ZBTB37: variants seen among roughly 807,000 people sequenced by gnomAD.
ZBTB37 encodes the protein zinc finger and BTB domain-containing protein 37.
In ZBTB37, 15 loss-of-function variants were observed where a neutral mutation model predicts 37.7. That is an observed-to-expected ratio of 0.40 (90% CI 0.27 to 0.61). The LOEUF is 0.61. Among genes scored for constraint, ZBTB37 ranks in the 20% least tolerant of loss-of-function variants. The pLI is 0.44. For synonymous variants in ZBTB37, 231 were observed against 220.6 expected (o/e 1.05, Z -0.42); for missense variants, 514 against 641.9 (o/e 0.80, Z 2.15).
At position 173,895,585 on chromosome 1, in the gene ZBTB37, T is replaced by C. The variant is rs577402083; in HGVS notation, c.*9461T>C. On this transcript the variant is annotated 3_prime_UTR_variant, in exon 4 of 4. Transcript: ENST00000367701. ...TGAGATAGTGAAAAGTTTTACCTAC[T>C]TATCTTAATCCCATTCTACCTCTAC... The C allele has an allele frequency of 8.5e-5, 13 of 152,290 alleles. No homozygotes were observed. In the East Asian group the frequency reaches 2.5e-3, roughly 29 times the overall value. The allele number at this position is 152,290 out of a possible 1,614,324, so 9.4% of individuals were successfully genotyped here. A position where few individuals can be genotyped will look rare whatever the true frequency, so the allele number is the denominator to read the frequency against.
downstream of ZBTB37, chr1:173,890,808 A>G (rs1656812152): frequency 6.6e-6 from 1 of 152,208 alleles, no homozygotes; most frequent in African/African-American, 2.4e-5. Context: ...CCTTCTTTCT[A>G]CTACAATGGC....
At chr1:173,874,732 G>C (rs1655824568) in intron 4 of ZBTB37, among the ~76,000 whole-genome samples, 1 of 152,162 alleles carries the variant, frequency 6.6e-6, no homozygotes, top group Non-Finnish European at 1.5e-5. Context: ...CAGAATGTCT[G>C]CTACCACCAC....
chr1:173,877,289 T>C (rs1450406005), intron 4 of ZBTB37, among the ~76,000 whole-genome samples: 1 of 151,798 alleles, frequency 6.6e-6, no homozygotes, highest in Non-Finnish European at 1.5e-5. Flanking sequence ...TGAGTAATAG[T>C]GTTGTGGGAC....
At chr1:173,885,770 A>G (rs763842910) in exon 5 of ZBTB37, 3 of 1,551,606 alleles carry the variant, frequency 1.9e-6, no homozygotes, top group Non-Finnish European at 2.6e-6. Context: ...ACCAGAAGGG[A>G]AGCCTGGACC....
At chr1:173,895,263 C>T (rs1657001191) in exon 4 of ZBTB37, 2 of 152,146 alleles carry the variant, frequency 1.3e-5, no homozygotes, top group Non-Finnish European at 2.9e-5. Context: ...GCCACTACAC[C>T]TGGCTAATTT....
chr1:173,903,449 TTC>T (rs1657348070), exon 4 of ZBTB37: 1 of 186,546 alleles, frequency 5.4e-6, no homozygotes, highest in Admixed American at 5.6e-5. Flanking sequence ...ATACTTGAAA[TTC>T]TGTTTGTATA....
exon 4 of ZBTB37, chr1:173,892,202 T>C (rs1418832949): frequency 6.6e-6 from 1 of 152,190 alleles, no homozygotes; most frequent in Non-Finnish European, 1.5e-5. Context: ...GTGAAAGAAA[T>C]TGGATTTTGT....
Position 173,870,163 on chromosome 1 carries a change from T to C in ZBTB37, c.-29-34T>C, listed in dbSNP as rs933962143. 9.7e-6 allele frequency: 13 copies of C among 1,342,200 alleles called. No homozygotes were observed. The African/African-American group carries it at 1.6e-4, about 17-fold the overall frequency. The allele number at this position is 1,342,200 out of a possible 1,614,324, so 83.1% of individuals were successfully genotyped here. ...GGAAACCATCCGGGAAGTAAAATTA[T>C]AATTATTAATGAGAATATGGTTTCT... On this transcript the variant is annotated intron_variant, in intron 2 of 4. Transcript: ENST00000427304.
chr1:173,879,256 A>T (rs988371934), intron 4 of ZBTB37, among the ~76,000 whole-genome samples: 2 of 152,208 alleles, frequency 1.3e-5, no homozygotes, highest in Admixed American at 1.3e-4. Flanking sequence ...CATGAATCAC[A>T]TCAAGAAAAA....
rs200874591 is a variant in ZBTB37 at position 173,871,168 on chromosome 1, G to A, written c.923+20G>A. On this transcript the variant is annotated intron_variant, in intron 3 of 4. Transcript: ENST00000427304. ...TGACAGGTAGGTTTGGTTTGGTTTG[G>A]TTTTCCCATGTAATGGCTATTGTGT... 1.4e-5 allele frequency: 22 copies of A among 1,559,138 alleles called. No individual in the cohort carries two copies. In the East Asian group the frequency reaches 4.9e-4, roughly 35 times the overall value.
chr1:173,873,458 T>C lies in ZBTB37; in HGVS notation c.924-9T>C. ...TGTATTAGTCCCCTTTATGTTCCTCTTCCAACAGATTTAGCCCCTCCGGCA... is the reference window on the plus strand; with the variant it reads ...TGTATTAGTCCCCTTTATGTTCCTCCTCCAACAGATTTAGCCCCTCCGGCA... On this transcript the variant is annotated splice_polypyrimidine_tract_variant and intron_variant, in intron 3 of 4. Coordinates refer to ENST00000427304, the Ensembl canonical transcript of ZBTB37. 1.3e-6 allele frequency: 2 copies of C among 1,599,144 alleles called. No homozygotes were observed. The highest frequency in any genetic ancestry group is 1.7e-6 in the Non-Finnish European group (2 of 1,174,116).
chr1:173,892,358 C>T (rs1232617990), exon 4 of ZBTB37: 1 of 152,036 alleles, frequency 6.6e-6, no homozygotes, highest in African/African-American at 2.4e-5. Context: ...TTCGTATTTT[C>T]TAGTCTCTTT....
exon 4 of ZBTB37, chr1:173,900,324 C>G (rs576540316): frequency 1.2e-4 from 18 of 152,234 alleles, no homozygotes; most frequent in African/African-American, 3.4e-4. Context: ...ATGTCAAAGA[C>G]CTAACCAAGT....
At chr1:173,900,072 T>A (rs1266252707) in exon 4 of ZBTB37, 6 of 152,206 alleles carry the variant, frequency 3.9e-5, no homozygotes, top group Non-Finnish European at 7.3e-5. Flanking sequence ...TACAGCAATT[T>A]CTATTTGTAA....
At chr1:173,891,191 TC>T (rs2102757911), downstream of ZBTB37, 1 of 152,344 alleles carries the variant, frequency 6.6e-6, no homozygotes, top group East Asian at 1.9e-4. Flanking sequence ...GTTTTGCCAT[TC>T]CTCTGAGTTA....
chr1:173,872,023 T>A (rs922130452), intron 3 of ZBTB37, among the ~76,000 whole-genome samples: 1 of 152,222 alleles, frequency 6.6e-6, no homozygotes, highest in Non-Finnish European at 1.5e-5. Context: ...ATCACAGAGA[T>A]TCAGTTAGTG....
exon 3 of ZBTB37, chr1:173,870,624 G>C (rs1312549552): frequency 2.5e-6 from 4 of 1,614,182 alleles, no homozygotes; most frequent in Non-Finnish European, 3.4e-6. Flanking sequence ...ATGTGGCTGA[G>C]GTTGAAGCAG....
At chr1:173,902,290 A>G (rs1657293133) in exon 4 of ZBTB37, 1 of 152,264 alleles carries the variant, frequency 6.6e-6, no homozygotes, top group Non-Finnish European at 1.5e-5. Flanking sequence ...TAAACAACAA[A>G]TTTATCTAAT....
intron 4 of ZBTB37, among the ~76,000 whole-genome samples, chr1:173,874,903 CT>C (rs1301688571): frequency 6.6e-6 from 1 of 151,458 alleles, no homozygotes; most frequent in Non-Finnish European, 1.5e-5. Flanking sequence ...TATTTGATTA[CT>C]TTTTTTTTAA....
Sources: gnomAD v4.1 joint callset for allele counts (sites outside exome capture counted in the v4.1 genomes callset) on GRCh38, gnomAD v4.1.1 for gene constraint, MANE v1.5 for transcripts, NCBI Gene and HGNC (gene_info 2026-07-23, HGNC 2026-07-21) for gene names.